The following CFAP61 variants were observed in gnomAD, a reference collection of about 807,000 sequenced individuals.
The protein encoded by CFAP61 is cilia- and flagella-associated protein 61.
CFAP61 carries 107 observed loss-of-function variants against 135.6 expected under a neutral mutation model. The ratio of observed to expected loss-of-function variants is 0.79; its 90% CI spans 0.67 to 0.93. The LOEUF (loss-of-function observed/expected upper bound fraction) is 0.93, where lower values mean the gene tolerates loss of function less well. CFAP61 is among the 40% of genes least tolerant of loss of function. The pLI is 0.00. For missense variants in CFAP61, 1,507 were observed against 1,556.2 expected (o/e 0.97, Z 0.53); for synonymous variants, 575 against 578.5 (o/e 0.99, Z 0.09).
At chr20:20,196,926 T>G in intron 16 of CFAP61, 150 bp downstream of exon 16, 1 of 691,700 alleles carries the variant, frequency 1.4e-6, no homozygotes, top group Non-Finnish European at 2.5e-6. Flanking sequence ...TTTGGCCTTT[T>G]TCATAAACTA....
intron 2 of CFAP61, among the ~76,000 whole-genome samples, chr20:20,057,874 T>C (rs1440494602): frequency 6.6e-6 from 1 of 152,052 alleles, no homozygotes; most frequent in Non-Finnish European, 1.5e-5. Context: ...CATGCCACCA[T>C]GCCTAGCTGT....
chr20:20,274,021 T>C (rs1292699483), intron 21 of CFAP61, among the ~76,000 whole-genome samples: 13 of 152,362 alleles, frequency 8.5e-5, no homozygotes, highest in African/African-American at 3.1e-4. Context: ...TTTTGTCTAC[T>C]AGGCTTTTTT....
intron 19 of CFAP61, among the ~76,000 whole-genome samples, chr20:20,248,292 T>C (rs2050623113): frequency 1.3e-5 from 2 of 152,234 alleles, no homozygotes; most frequent in Admixed American, 1.3e-4. Flanking sequence ...AAATAGGAGA[T>C]GTCTTTCAAA....
At chr20:20,145,509 C>T (rs571829855) in intron 9 of CFAP61, among the ~76,000 whole-genome samples, 87 of 152,242 alleles carry the variant, frequency 5.7e-4, no homozygotes, top group Non-Finnish European at 1.1e-3. Flanking sequence ...AGATGACAGA[C>T]TTAAACCTAA....
chr20:20,341,960 A>G, intron 26 of CFAP61, 39 bp downstream of exon 26: 1 of 1,377,338 alleles, frequency 7.3e-7, no homozygotes, highest in Non-Finnish European at 1.0e-6. Context: ...ATTCCTTGCA[A>G]ATTATAAGCA....
At chr20:20,193,413 C>A (rs1438572267) in intron 15 of CFAP61, among the ~76,000 whole-genome samples, 1 of 151,888 alleles carries the variant, frequency 6.6e-6, no homozygotes, top group Non-Finnish European at 1.5e-5. Flanking sequence ...GGCTTTATTT[C>A]TTTAATATAT....
chr20:20,254,175 C>T (rs1178045737), intron 20 of CFAP61, among the ~76,000 whole-genome samples: 1 of 86,910 alleles, frequency 1.2e-5, no homozygotes, highest in Non-Finnish European at 2.5e-5. Context: ...CCTCCCCTCC[C>T]CTCCCCTCCT....
intron 17 of CFAP61, among the ~76,000 whole-genome samples, chr20:20,227,921 C>T (rs2048859364): frequency 6.6e-6 from 1 of 152,152 alleles, no homozygotes; most frequent in Non-Finnish European, 1.5e-5. Context: ...GAGTAGCTTG[C>T]CTGTCTCCTT....
intron 12 of CFAP61, among the ~76,000 whole-genome samples, chr20:20,168,837 A>G (rs2054016441): frequency 6.6e-6 from 1 of 152,186 alleles, no homozygotes. Flanking sequence ...GTCATGATAA[A>G]ATACGTACAC....
At chr20:20,240,621 C>G in intron 18 of CFAP61, among the ~76,000 whole-genome samples, 1 of 151,692 alleles carries the variant, frequency 6.6e-6, no homozygotes, top group East Asian at 1.9e-4. Context: ...CTTCTCATAT[C>G]CCCAGCTCAT....
At chr20:20,153,610 TGAG>T (rs2052635352) in intron 9 of CFAP61, among the ~76,000 whole-genome samples, 1 of 151,974 alleles carries the variant, frequency 6.6e-6, no homozygotes, top group Non-Finnish European at 1.5e-5. Flanking sequence ...TAGAAAATCT[TGAG>T]GAGATAGATA....
rs1375264171 is a variant in CFAP61, at chr20:20,228,518, T to C, written c.2060+142T>C. 1.5e-5 allele frequency: 10 copies of C among 649,906 alleles called. No homozygotes were observed. In the East Asian group the frequency reaches 2.7e-4, roughly 17 times the overall value. 40.3% of individuals were successfully genotyped at this position (649,906 alleles called of 1,614,324 possible). ...CTGCCTATGTGGATGGATGAATCAG[T>C]AGAAGAATATTCTAGATCAGGGGTT... On this transcript the variant is annotated intron_variant, in intron 18 of 26. Transcript: ENST00000245957.
At chr20:20,179,576 CA>C (rs1942603310) in intron 13 of CFAP61, among the ~76,000 whole-genome samples, 1 of 152,118 alleles carries the variant, frequency 6.6e-6, no homozygotes, top group African/African-American at 2.4e-5. Flanking sequence ...ATAGCCAAGG[CA>C]ATCCTAAGCA....
Position 20,157,835 on chromosome 20 carries a change from C to T in CFAP61, c.952-1535C>T, listed in dbSNP as rs372307949. Among the ~76,000 whole-genome samples the T allele has an allele frequency of 2.6e-4, 40 of 152,230 alleles. No homozygotes were observed. In the East Asian group the frequency reaches 7.3e-3, roughly 28 times the overall value. ...TACTTTAAGAGAATGAAAAGACAAG[C>T]TACAGACTGGGAGAAAATATTTGCA... is the stretch of plus-strand genomic sequence containing the variant. On this transcript the variant is annotated intron_variant, in intron 9 of 26. Coordinates refer to ENST00000245957, the MANE Select transcript of CFAP61 (RefSeq NM_015585.4).
chr20:20,160,592 C>T (rs980345038), intron 10 of CFAP61, among the ~76,000 whole-genome samples: 2 of 152,222 alleles, frequency 1.3e-5, no homozygotes, highest in Admixed American at 6.5e-5. Context: ...GGTCTCCCCA[C>T]TCCCAGCTAA....
At chr20:20,069,788 A>AT (rs1448944400) in intron 2 of CFAP61, 3 of 455,632 alleles carry the variant, frequency 6.6e-6, no homozygotes, top group Admixed American at 2.4e-5. Context: ...TCCTTCTGTG[A>AT]TAAAAACATA....
At chr20:20,284,606 A>T (rs979676249) in intron 22 of CFAP61, among the ~76,000 whole-genome samples, 1 of 152,096 alleles carries the variant, frequency 6.6e-6, no homozygotes, top group East Asian at 1.9e-4. Context: ...TTTTAACTAT[A>T]TCTTATCTTT....
In CFAP61 at chr20:20,098,794, T is replaced by A; in HGVS notation, c.839T>A (p.Leu280Gln). The A allele has an allele frequency of 1.2e-6, 2 of 1,612,872 alleles. No homozygotes were observed. Among genetic ancestry groups the A allele is most frequent in the Non-Finnish European group, 1.7e-6 (2 of 1,179,572 alleles). Reference sequence around the variant, plus strand: ...GACGTTCTGGAATCACCACAAGACCTAAGTGTCCGAAGAAGTCAAGGTACA... The same window carrying A: ...GACGTTCTGGAATCACCACAAGACCAAAGTGTCCGAAGAAGTCAAGGTACA... ...PDDVLESPQD[L>Q]SVRRSQDAEL... The change falls in exon 8 of 27, where the codon CTA becomes CAA. Residue 280 changes from leucine (L) to glutamine (Q), a missense_variant. Transcript: ENST00000245957.
intron 12 of CFAP61, among the ~76,000 whole-genome samples, chr20:20,167,494 G>A (rs1322422571): frequency 6.6e-6 from 1 of 152,000 alleles, no homozygotes; most frequent in Non-Finnish European, 1.5e-5. Flanking sequence ...AAGTAATGCT[G>A]GCTTTAAAAA....
Sources: gnomAD v4.1 joint callset for allele counts (sites outside exome capture counted in the v4.1 genomes callset) on GRCh38, gnomAD v4.1.1 for gene constraint, MANE v1.5 for transcripts, NCBI Gene and HGNC (gene_info 2026-07-23, HGNC 2026-07-21) for gene names.